Variants in SIPA1L2 observed in about 807,000 individuals in gnomAD.
The protein encoded by SIPA1L2 is signal-induced proliferation-associated 1-like protein 2.
Under a neutral mutation model 163.9 loss-of-function variants are expected in SIPA1L2, and 56 were observed. The observed-to-expected ratio is 0.34, with a 90% confidence interval of 0.28 to 0.43. The LOEUF (loss-of-function observed/expected upper bound fraction) is 0.43, where lower values mean the gene tolerates loss of function less well. Ranked by LOEUF, SIPA1L2 falls within the 20% of genes least tolerant of loss-of-function variation. The probability of loss-of-function intolerance (pLI) is 1.00; values close to 1 mark genes in which losing one functional copy is unlikely to be tolerated. For synonymous variants in SIPA1L2, 877 were observed against 865.7 expected (o/e 1.01, Z -0.23); for missense variants, 1,974 against 2,193.5 (o/e 0.90, Z 2.00).
At chr1:232,590,080 G>A (rs2102825174) in intron 1 of SIPA1L2, among the ~76,000 whole-genome samples, 1 of 152,224 alleles carries the variant, frequency 6.6e-6, no homozygotes, top group East Asian at 1.9e-4. Context: ...CTGCAATCCA[G>A]CAACGCAATC....
intron 3 of SIPA1L2, among the ~76,000 whole-genome samples, chr1:232,511,587 A>G (rs1666982383): frequency 6.6e-6 from 1 of 152,190 alleles, no homozygotes; most frequent in African/African-American, 2.4e-5. Flanking sequence ...GAGAAAAAGT[A>G]ATAAACAGGC....
chr1:232,621,617 A>C (rs1662815093), intron 1 of SIPA1L2, among the ~76,000 whole-genome samples: 1 of 152,236 alleles, frequency 6.6e-6, no homozygotes, highest in African/African-American at 2.4e-5. Context: ...GAGAGAACAC[A>C]AATGAAAGTT....
rs1663298664 is a variant in SIPA1L2 at position 232,629,940 on chromosome 1, T to A, written c.-390A>T. Among the ~76,000 whole-genome samples the A allele has an allele frequency of 6.7e-6, 1 of 150,264 alleles. No homozygotes were observed. Among genetic ancestry groups the A allele is most frequent in the African/African-American group, 2.4e-5 (1 of 41,156 alleles). On this transcript the variant is annotated 5_prime_UTR_variant, in exon 1 of 23. Transcript: ENST00000674635. ...GGCGGCGCGTACCCGGGCTGCCGCC[T>A]CGCCGCCCGCCGCTGCCCGGGGCTG... is the stretch of plus-strand genomic sequence containing the variant.
rs574005874 is a variant in SIPA1L2, at chr1:232,527,604, A to G, written c.-269-11996T>C. On this transcript the variant is annotated intron_variant, in intron 2 of 22. Transcript: ENST00000674635. ...TGGCTTGATTATTTTTAAGAAGTTC[A>G]TAACACTAAAGATCTTTACCTGAAG... Among the ~76,000 whole-genome samples the G allele has an allele frequency of 1.4e-4, 22 of 152,284 alleles. No individual in the cohort carries two copies. In the South Asian group the frequency reaches 3.9e-3, roughly 27 times the overall value.
At chr1:232,418,776 C>G (rs757875717) in intron 18 of SIPA1L2, among the ~76,000 whole-genome samples, 9 of 152,202 alleles carry the variant, frequency 5.9e-5, no homozygotes, top group Non-Finnish European at 1.2e-4. Context: ...ATTGTCCCCC[C>G]TCCTCCAGTG....
At chr1:232,536,536 G>A (rs1015933810) in intron 2 of SIPA1L2, among the ~76,000 whole-genome samples, 43 of 152,170 alleles carry the variant, frequency 2.8e-4, no homozygotes, top group African/African-American at 9.7e-4. Context: ...CCCAGGGACT[G>A]AGAGAAATCA....
At chr1:232,589,024 T>C (rs928395590) in intron 1 of SIPA1L2, among the ~76,000 whole-genome samples, 3 of 145,646 alleles carry the variant, frequency 2.1e-5, no homozygotes, top group Non-Finnish European at 3.0e-5. Context: ...TTTTCCAGAG[T>C]GTAAAAAAAA....
intron 18 of SIPA1L2, among the ~76,000 whole-genome samples, chr1:232,419,947 C>G (rs896976610): frequency 1.3e-5 from 2 of 152,192 alleles, no homozygotes; most frequent in Non-Finnish European, 2.9e-5. Context: ...TAGTAAGACA[C>G]AAGTTCTATC....
intron 3 of SIPA1L2, among the ~76,000 whole-genome samples, chr1:232,494,888 G>A (rs928956434): frequency 6.6e-6 from 1 of 152,134 alleles, no homozygotes; most frequent in African/African-American, 2.4e-5. Context: ...ATTCTCCCAG[G>A]TGTAGCCTCA....
intron 2 of SIPA1L2, among the ~76,000 whole-genome samples, chr1:232,566,752 T>G (rs1191747568): frequency 1.3e-5 from 2 of 152,222 alleles, no homozygotes; most frequent in Non-Finnish European, 2.9e-5. Context: ...GGGTTCAGTG[T>G]GTTTTTAGAA....
At chr1:232,423,594 A>G (rs1388359222) in intron 18 of SIPA1L2, among the ~76,000 whole-genome samples, 1 of 152,190 alleles carries the variant, frequency 6.6e-6, no homozygotes, top group Non-Finnish European at 1.5e-5. Context: ...CTTTAAAGAG[A>G]GCAAATGGCA....
chr1:232,493,438 T>C (rs906831429), intron 4 of SIPA1L2, 89 bp downstream of exon 4: 1 of 1,478,646 alleles, frequency 6.8e-7, no homozygotes, highest in Non-Finnish European at 9.2e-7. Context: ...AAAAAATAAA[T>C]TCAGTACCCT....
intron 19 of SIPA1L2, among the ~76,000 whole-genome samples, chr1:232,409,873 G>A (rs765359373): frequency 6.6e-6 from 1 of 152,042 alleles, no homozygotes; most frequent in Non-Finnish European, 1.5e-5. Flanking sequence ...ATAAATGTTG[G>A]GGGTGGTTTG....
intron 3 of SIPA1L2, among the ~76,000 whole-genome samples, chr1:232,508,242 C>T (rs1038656265): frequency 1.3e-5 from 2 of 152,142 alleles, no homozygotes; most frequent in South Asian, 4.2e-4. Flanking sequence ...CAGCTTCATC[C>T]TCCCATCTGG....
intron 10 of SIPA1L2, among the ~76,000 whole-genome samples, chr1:232,455,844 C>T (rs1043178742): frequency 1.1e-4 from 17 of 152,006 alleles, no homozygotes; most frequent in African/African-American, 1.7e-4. Flanking sequence ...CAAATTAACA[C>T]GGCAACAGAA....
At chr1:232,566,076 AG>A (rs1659386350) in intron 2 of SIPA1L2, among the ~76,000 whole-genome samples, 1 of 152,240 alleles carries the variant, frequency 6.6e-6, no homozygotes, top group Non-Finnish European at 1.5e-5. Flanking sequence ...AGGAAAATAT[AG>A]ATGTTGGAAA....
chr1:232,404,032 G>C (rs1660499254), intron 20 of SIPA1L2, 93 bp downstream of exon 20: 1 of 1,419,570 alleles, frequency 7.0e-7, no homozygotes, highest in African/African-American at 1.4e-5. Context: ...CCAACCCTCA[G>C]GGCGTGAATA....
At chr1:232,402,147 T>C (rs972130637) in intron 22 of SIPA1L2, among the ~76,000 whole-genome samples, 1 of 152,176 alleles carries the variant, frequency 6.6e-6, no homozygotes, top group African/African-American at 2.4e-5. Flanking sequence ...CACTGAAGAT[T>C]TGCCACACCA....
At chr1:232,444,912 C>T (rs896311692) in intron 11 of SIPA1L2, among the ~76,000 whole-genome samples, 8 of 152,054 alleles carry the variant, frequency 5.3e-5, no homozygotes, top group African/African-American at 9.7e-5. Context: ...AAAAGGAGTA[C>T]GAATTAACAA....
Sources: gnomAD v4.1 joint callset for allele counts (sites outside exome capture counted in the v4.1 genomes callset) on GRCh38, gnomAD v4.1.1 for gene constraint, MANE v1.5 for transcripts, NCBI Gene and HGNC (gene_info 2026-07-23, HGNC 2026-07-21) for gene names.